RUVBL2: variants seen among roughly 807,000 people sequenced by gnomAD.
The protein encoded by RUVBL2 is RuvB like AAA ATPase 2.
A neutral mutation model predicts 57.9 loss-of-function variants in RUVBL2; 9 were observed. The observed-to-expected ratio is 0.16, with a 90% CI of 0.09 to 0.27. RUVBL2 has a LOEUF of 0.27. Among genes scored for constraint, RUVBL2 ranks in the 10% least tolerant of loss-of-function variants. RUVBL2 has a pLI of 1.00. For synonymous variants in RUVBL2, 278 were observed against 264.6 expected, an observed-to-expected ratio of 1.05 and a Z score of -0.49; for missense variants, 456 against 669.6, an observed-to-expected ratio of 0.68 and a Z score of 3.52.
rs2039240072 is a variant in RUVBL2, at chr19:49,004,206, G to A, written c.124-71G>A. 6 of 1,574,290 alleles carry A rather than the reference G, an allele frequency of 3.8e-6. No individual in the cohort carries two copies. The South Asian group carries it at 6.7e-5, about 17-fold the overall frequency. ...AGTAATGTCTGCTTCCATCTCACTA[G>A]CTTCCTGATGTGGTAGAAATGCCAT... On this transcript the variant is annotated intron_variant, in intron 3 of 14. Transcript: ENST00000595090.
chr19:49,001,052 G>A (rs2039168818), intron 2 of RUVBL2, among the ~76,000 whole-genome samples: 1 of 152,006 alleles, frequency 6.6e-6, no homozygotes, highest in African/African-American at 2.4e-5. Flanking sequence ...CAGCTACTTG[G>A]GAGAACTGCT....
chr19:49,003,165 T>TG, intron 2 of RUVBL2, 114 bp from the exon 3 acceptor site: 4 of 708,034 alleles, frequency 5.6e-6, no homozygotes, highest in Non-Finnish European at 7.6e-6. Context: ...CAACCCCTGC[T>TG]CCCTACTCCC....
rs139929899 is a variant in RUVBL2 at position 49,010,821 on chromosome 19, C to A, written c.788-178C>A. 5.6e-3 allele frequency among the ~76,000 whole-genome samples: 848 copies of A among 152,288 alleles called. 6 individuals carry two copies. The highest frequency in any genetic ancestry group is 0.018 in the South Asian group (87 of 4,830). On this transcript the variant is annotated intron_variant, in intron 9 of 14. Coordinates refer to ENST00000595090, the MANE Select transcript of RUVBL2 (RefSeq NM_006666.3). ...GTGATGGGTGTGGCCCTGCCCTCTCCCCTCCTGTGTTCTCTGCCTCTGTTC... is the reference window on the plus strand; with the variant it reads ...GTGATGGGTGTGGCCCTGCCCTCTCACCTCCTGTGTTCTCTGCCTCTGTTC...
Position 49,010,596 on chromosome 19 carries a change from C to T in RUVBL2, c.772C>T (p.Leu258=), listed in dbSNP as rs1568640587. The T allele has an allele frequency of 6.2e-7, 1 of 1,613,792 alleles. No individual in the cohort carries two copies. The highest frequency in any genetic ancestry group is 8.5e-7 in the Non-Finnish European group (1 of 1,179,926). ...DVINSRTQGF[L]ALFSGDTGEI... ...CATCAACTCTCGCACCCAGGGCTTC[C>T]TGGCGCTCTTCTCAGGTGAGGCCCC... Residue 258 remains leucine (L), a synonymous_variant, in exon 9 of 15, where the codon CTG becomes TTG. Transcript: ENST00000595090.
chr19:49,003,165 TCC>T, intron 2 of RUVBL2, 112 bp from the exon 3 acceptor site: 1 of 708,040 alleles, frequency 1.4e-6, no homozygotes. Flanking sequence ...CAACCCCTGC[TCC>T]CTACTCCCAC....
chr19:49,003,370 C>G, intron 3 of RUVBL2, 36 bp downstream of exon 3: 1 of 1,603,932 alleles, frequency 6.2e-7, no homozygotes, highest in Non-Finnish European at 8.5e-7. Context: ...AGGGCCTCTC[C>G]ATGAAGGTCT....
intron 2 of RUVBL2, among the ~76,000 whole-genome samples, chr19:48,999,949 A>G (rs909140668): frequency 1.3e-5 from 2 of 152,210 alleles, no homozygotes; most frequent in African/African-American, 4.8e-5. Flanking sequence ...GTGCGCTCTC[A>G]CAAAGAGCTT....
At chr19:49,000,052 T>C (rs1444027104) in intron 2 of RUVBL2, among the ~76,000 whole-genome samples, 3 of 152,158 alleles carry the variant, frequency 2.0e-5, no homozygotes, top group Non-Finnish European at 4.4e-5. Flanking sequence ...GCTGTGAAGA[T>C]GGGTTTTAGA....
intron 4 of RUVBL2, among the ~76,000 whole-genome samples, 189 bp downstream of exon 4, chr19:49,004,607 GA>G (rs1299149350): frequency 6.6e-6 from 1 of 152,104 alleles, no homozygotes; most frequent in African/African-American, 2.4e-5. Flanking sequence ...GCAGTTCCAG[GA>G]AGTCTTCCAT....
chr19:48,994,032 G>A, intron 1 of RUVBL2, 109 bp downstream of exon 1: 4 of 1,231,602 alleles, frequency 3.2e-6, no homozygotes, highest in African/African-American at 1.5e-5. Context: ...GGATCTGGGG[G>A]TTCAGACTCC....
chr19:49,000,705 A>T (rs1317032977), intron 2 of RUVBL2, among the ~76,000 whole-genome samples: 1 of 152,040 alleles, frequency 6.6e-6, no homozygotes, highest in Admixed American at 6.5e-5. Flanking sequence ...TCTCTACTAA[A>T]AATACAAAAA....
At chr19:48,999,826 C>CGCATGAGGT (rs1324444124) in intron 2 of RUVBL2, among the ~76,000 whole-genome samples, 1 of 152,102 alleles carries the variant, frequency 6.6e-6, no homozygotes, top group Non-Finnish European at 1.5e-5. Context: ...TCGCAGTAGC[C>CGCATGAGGT]GCATGAGGTG....
At position 48,998,782 on chromosome 19, in the gene RUVBL2, C is replaced by T. The variant is rs548133898; in HGVS notation, c.13-537C>T. Among the ~76,000 whole-genome samples, 7 of 151,764 alleles carry T rather than the reference C, an allele frequency of 4.6e-5. No individual in the cohort carries two copies. The South Asian group carries it at 1.0e-3, about 23-fold the overall frequency. The stretch of plus-strand genomic sequence containing the variant: ...GTGGCTCACGCCCATAATCCCAGCA[C>T]TCTGGGAGGCCAAGGCTGGTGTATC... On this transcript the variant is annotated intron_variant, in intron 1 of 14. Transcript: ENST00000595090.
At chr19:49,009,492 A>G (rs1430467075) in intron 6 of RUVBL2, among the ~76,000 whole-genome samples, 1 of 152,220 alleles carries the variant, frequency 6.6e-6, no homozygotes, top group Non-Finnish European at 1.5e-5. Context: ...GTCTCAAAAA[A>G]AAAAAGAACT....
At chr19:49,004,520 A>C in intron 4 of RUVBL2, 102 bp downstream of exon 4, 14 of 1,146,702 alleles carry the variant, frequency 1.2e-5, no homozygotes, top group Non-Finnish European at 1.6e-5. Context: ...ATGACCCAAA[A>C]TGGCAGTGGC....
chr19:48,997,961 A>C (rs757164536), intron 1 of RUVBL2, among the ~76,000 whole-genome samples: 1 of 152,204 alleles, frequency 6.6e-6, no homozygotes, highest in Non-Finnish European at 1.5e-5. Context: ...TCAGCACTTT[A>C]GAGTATCACT....
chr19:49,014,769 C>T (rs972660166), intron 12 of RUVBL2, among the ~76,000 whole-genome samples, 166 bp downstream of exon 12: 6 of 152,156 alleles, frequency 3.9e-5, no homozygotes, highest in African/African-American at 9.7e-5. Context: ...GCAGGAGCCA[C>T]GGTGGGAAAG....
At position 49,004,281 on chromosome 19, in the gene RUVBL2, C is replaced by T; in HGVS notation, c.128C>T (p.Ser43Leu). Residue 43 changes from serine to leucine, a missense_variant, in exon 4 of 15, where the codon TCG (serine) becomes TTG (leucine). Around this residue, in one of 5 missense-constraint regions of RUVBL2, gnomAD observed 233 missense variants for 306.0 expected, o/e 0.76. Coordinates refer to ENST00000595090, the MANE Select transcript of RUVBL2 (RefSeq NM_006666.3). ...ATGTGCGCCTCCCACCCACAGGCTT[C>T]GCAAGGCATGGTGGGTCAGCTGGCG... The part of the protein sequence containing the change: ...LDDALEPRQA[S>L]QGMVGQLAAR... 6.2e-7 allele frequency: 1 copy of T among 1,611,584 alleles called. No individual in the cohort carries two copies. Among genetic ancestry groups the T allele is most frequent in the Non-Finnish European group, 8.5e-7 (1 of 1,179,826 alleles).
At chr19:49,009,916 G>A (rs543779690) in intron 7 of RUVBL2, 34 bp downstream of exon 7, 1 of 1,613,226 alleles carries the variant, frequency 6.2e-7, no homozygotes, top group Non-Finnish European at 8.5e-7. Flanking sequence ...GGCAGCCAGG[G>A]GGATGGGCGA....
Sources: gnomAD v4.1 joint callset for allele counts (sites outside exome capture counted in the v4.1 genomes callset) on GRCh38, gnomAD v4.1.1 for gene constraint, gnomAD v4.1.1 regional missense constraint, MANE v1.5 for transcripts, NCBI Gene and HGNC (gene_info 2026-07-23, HGNC 2026-07-21) for gene names.